The following RBM46 variants were observed in gnomAD, a reference collection of about 807,000 sequenced individuals.
The protein encoded by RBM46 is probable RNA-binding protein 46.
In RBM46, 12 loss-of-function variants were observed where a neutral mutation model predicts 43.3. That is an observed-to-expected ratio of 0.28 (90% confidence interval 0.18 to 0.45). The LOEUF (loss-of-function observed/expected upper bound fraction) is 0.45, where lower values mean the gene tolerates loss of function less well. RBM46 is among the 20% of genes least tolerant of loss of function. The pLI is 1.00. For synonymous variants in RBM46, 205 were observed against 207.6 expected, an observed-to-expected ratio of 0.99 and a Z score of 0.11; for missense variants, 412 against 639.1, an observed-to-expected ratio of 0.64 and a Z score of 3.83.
At chr4:154,801,177 C>T (rs156592) in intron 4 of RBM46, among the ~76,000 whole-genome samples, 4,208 of 152,118 alleles carry the variant, frequency 0.028, 205 homozygotes, top group African/African-American at 0.096. Context: ...CAGGGTTTCA[C>T]GACGTTGGCC....
intron 4 of RBM46, among the ~76,000 whole-genome samples, chr4:154,811,352 T>A (rs1205651046): frequency 6.6e-6 from 1 of 152,184 alleles, no homozygotes; most frequent in Non-Finnish European, 1.5e-5. Context: ...ACTTAACTTC[T>A]CTGTCCTTCA....
At chr4:154,783,602 T>A (rs1434387674) in intron 1 of RBM46, among the ~76,000 whole-genome samples, 1 of 152,260 alleles carries the variant, frequency 6.6e-6, no homozygotes, top group Non-Finnish European at 1.5e-5. Flanking sequence ...GTGTAAGGAA[T>A]GGTGTACTTA....
chr4:154,791,217 T>C (rs138127281), intron 1 of RBM46, among the ~76,000 whole-genome samples: 36 of 152,344 alleles, frequency 2.4e-4, no homozygotes, highest in African/African-American at 8.4e-4. Context: ...GCCTTAAATA[T>C]GCAGATGATC....
intron 4 of RBM46, among the ~76,000 whole-genome samples, chr4:154,820,945 C>T (rs1735693703): frequency 6.6e-6 from 1 of 151,758 alleles, no homozygotes; most frequent in Non-Finnish European, 1.5e-5. Context: ...CATGTAGAGG[C>T]AAAAGAATGA....
intron 1 of RBM46, among the ~76,000 whole-genome samples, chr4:154,783,750 A>G (rs562669491): frequency 3.0e-4 from 45 of 151,748 alleles, no homozygotes; most frequent in African/African-American, 9.7e-4. Context: ...CAGAATTTAA[A>G]CTTAATATTA....
chr4:154,807,488 A>G (rs1467989035), intron 4 of RBM46, among the ~76,000 whole-genome samples: 10 of 151,852 alleles, frequency 6.6e-5, no homozygotes, highest in Admixed American at 6.6e-4. Flanking sequence ...GGACTCATGA[A>G]TAAGGAGACA....
chr4:154,818,154 A>T (rs1023075408), intron 4 of RBM46, among the ~76,000 whole-genome samples: 4 of 152,156 alleles, frequency 2.6e-5, no homozygotes, highest in African/African-American at 9.7e-5. Flanking sequence ...ATATACATTG[A>T]TATTGATTTA....
intron 4 of RBM46, among the ~76,000 whole-genome samples, chr4:154,799,841 C>G (rs1429359113): frequency 1.3e-5 from 2 of 148,900 alleles, no homozygotes; most frequent in African/African-American, 5.0e-5. Context: ...CTCATTGCAA[C>G]CTGTGCCTCC....
chr4:154,808,354 G>T lies in RBM46; in HGVS notation c.1402+8790G>T, dbSNP rs570666165. On this transcript the variant is annotated intron_variant, in intron 4 of 4. Transcript: ENST00000281722. ...TTGTCCTTCCATTATATAGTCTAAGGATGTTTTTATTAGAGTTACTTTTTT... is the reference window on the plus strand; with the variant it reads ...TTGTCCTTCCATTATATAGTCTAAGTATGTTTTTATTAGAGTTACTTTTTT... Among the ~76,000 whole-genome samples, 5 of 151,972 alleles carry T rather than the reference G, an allele frequency of 3.3e-5. No individual in the cohort carries two copies. In the East Asian group the frequency reaches 9.7e-4, roughly 29 times the overall value.
intron 4 of RBM46, among the ~76,000 whole-genome samples, chr4:154,815,955 C>G (rs1456547232): frequency 6.6e-6 from 1 of 152,046 alleles, no homozygotes; most frequent in Non-Finnish European, 1.5e-5. Context: ...TGAATATTCA[C>G]TTAACCAACA....
rs560099311 is a variant in RBM46, at chr4:154,788,764, T to C, written c.-12+7328T>C. 2.6e-5 allele frequency among the ~76,000 whole-genome samples: 4 copies of C among 152,344 alleles called. No individual in the cohort carries two copies. In the South Asian group the frequency reaches 8.3e-4, roughly 32 times the overall value. On this transcript the variant is annotated intron_variant, in intron 1 of 4. Transcript: ENST00000281722. ...ATGGGGATGGCATTGAATGTCTAAA[T>C]TACCTTTGGCAGTATGGTCATTTTC...
chr4:154,827,742 A>G, intron 4 of RBM46, 126 bp from the exon 5 acceptor site: 1 of 1,521,324 alleles, frequency 6.6e-7, no homozygotes, highest in East Asian at 2.3e-5. Flanking sequence ...GCAATATAGT[A>G]TCATCAAGAT....
chr4:154,799,549 A>G lies in RBM46; in HGVS notation c.1387A>G (p.Thr463Ala), dbSNP rs1298044922. The part of the protein sequence containing the change: ...EDAKELAAQF[T>A]LLHLDYNFHR... The stretch of plus-strand genomic sequence containing the variant: ...TGCAAAGGAACTGGCAGCCCAGTTT[A>G]CATTACTTCATTTGGGTAAGTTTAA... The change falls in exon 4 of 5, where the codon ACA (threonine) becomes GCA (alanine). Residue 463 changes from threonine (T) to alanine (A), a missense_variant. Thr to Ala is a moderately conservative substitution (Grantham distance 58, BLOSUM62 0). Around this residue, in one of 8 missense-constraint regions of RBM46, gnomAD observed 149 missense variants for 156.3 expected, o/e 0.95. Transcript: ENST00000281722. 9.0e-6 allele frequency: 14 copies of G among 1,550,250 alleles called. No individual in the cohort carries two copies. The highest frequency in any genetic ancestry group is 1.4e-5 in the African/African-American group (1 of 72,318).
At chr4:154,821,894 C>T (rs1735737565) in intron 4 of RBM46, among the ~76,000 whole-genome samples, 2 of 151,668 alleles carry the variant, frequency 1.3e-5, no homozygotes, top group South Asian at 4.1e-4. Context: ...TGCATACTAG[C>T]ATCCTAGGTA....
chr4:154,793,651 G>A (rs1734208763), intron 1 of RBM46, among the ~76,000 whole-genome samples: 1 of 152,080 alleles, frequency 6.6e-6, no homozygotes, highest in Non-Finnish European at 1.5e-5. Context: ...CAGGTGTTTT[G>A]TTTGGTCTGT....
At chr4:154,817,529 A>C (rs1235991702) in intron 4 of RBM46, among the ~76,000 whole-genome samples, 1 of 151,668 alleles carries the variant, frequency 6.6e-6, no homozygotes, top group Non-Finnish European at 1.5e-5. Flanking sequence ...ATGGGATTTC[A>C]TCATGTTGGC....
intron 4 of RBM46, among the ~76,000 whole-genome samples, chr4:154,814,690 T>C (rs156578): frequency 0.032 from 4,911 of 152,106 alleles, 283 homozygotes; most frequent in African/African-American, 0.11. Context: ...ATGTAGCATC[T>C]GTATTGAAAA....
rs776888116 is a variant in RBM46, at chr4:154,799,180, C to T, written c.1018C>T (p.His340Tyr). The change falls in exon 4 of 5, where the codon CAC becomes TAC. Residue 340 changes from histidine (H) to tyrosine (Y), a missense_variant. By Grantham distance (83) the His-to-Tyr change is moderately conservative. Coordinates refer to ENST00000281722, the MANE Select transcript of RBM46 (RefSeq NM_144979.5). ...LIVFANKEES[H>Y]PKTLGKLPTL... ...TGTGTTTGCTAACAAAGAAGAGAGC[C>T]ACCCAAAAACTCTAGGCAAGCTGCC... is the stretch of plus-strand genomic sequence containing the variant. 26 of 1,613,974 alleles carry T rather than the reference C, an allele frequency of 1.6e-5. No individual in the cohort carries two copies. In the Admixed American group the frequency reaches 3.7e-4, roughly 23 times the overall value.
At chr4:154,802,986 C>A (rs1469362196) in intron 4 of RBM46, among the ~76,000 whole-genome samples, 1 of 151,612 alleles carries the variant, frequency 6.6e-6, no homozygotes, top group Non-Finnish European at 1.5e-5. Flanking sequence ...CTTCTATTTC[C>A]CAAGTTTGAA....
Sources: gnomAD v4.1 joint callset for allele counts (sites outside exome capture counted in the v4.1 genomes callset) on GRCh38, gnomAD v4.1.1 for gene constraint, gnomAD v4.1.1 regional missense constraint, MANE v1.5 for transcripts, NCBI Gene and HGNC (gene_info 2026-07-23, HGNC 2026-07-21) for gene names.